STAU1: variants seen among roughly 807,000 people sequenced by gnomAD.
STAU1 encodes the protein staufen double-stranded RNA binding protein 1, also known as double-stranded RNA-binding protein Staufen homolog 1.
A neutral mutation model predicts 62.9 loss-of-function variants in STAU1; 13 were observed. The ratio of observed to expected loss-of-function variants is 0.21; its 90% confidence interval spans 0.13 to 0.33. The LOEUF (loss-of-function observed/expected upper bound fraction) is 0.33, where lower values mean the gene tolerates loss of function less well. STAU1 is among the 10% of genes least tolerant of loss of function. The probability of loss-of-function intolerance (pLI) is 1.00; values close to 1 mark genes in which losing one functional copy is unlikely to be tolerated. For missense variants in STAU1, 571 were observed against 712.1 expected, an observed-to-expected ratio of 0.80 and a Z score of 2.25; for synonymous variants, 269 against 265.1, an observed-to-expected ratio of 1.01 and a Z score of -0.14.
At chr20:49,217,455 A>G in the STAU1 span, among the ~76,000 whole-genome samples, 1 of 152,062 alleles carries the variant, frequency 6.6e-6, no homozygotes, top group Admixed American at 6.6e-5. Context: ...ATTAGATGAA[A>G]CTACACAAAG....
intron 8 of STAU1, among the ~76,000 whole-genome samples, chr20:49,120,586 TTTATTGTC>T (rs1386702372): frequency 1.3e-5 from 2 of 152,172 alleles, no homozygotes; most frequent in African/African-American, 4.8e-5. Flanking sequence ...TCATAAGCTG[TTTATTGTC>T]TAACTCTAAA....
intron 2 of STAU1, among the ~76,000 whole-genome samples, chr20:49,167,307 T>G (rs1194309166): frequency 6.6e-6 from 1 of 152,090 alleles, no homozygotes; most frequent in African/African-American, 2.4e-5. Context: ...ACCAACTAAT[T>G]AGAAGTTCTA....
At chr20:49,120,776 C>T (rs2092447614) in intron 8 of STAU1, among the ~76,000 whole-genome samples, 1 of 152,124 alleles carries the variant, frequency 6.6e-6, no homozygotes, top group African/African-American at 2.4e-5. Flanking sequence ...TGTTACATGT[C>T]TTCATTGTTT....
chr20:49,211,033 A>G, the STAU1 span, among the ~76,000 whole-genome samples: 3 of 152,136 alleles, frequency 2.0e-5, no homozygotes, highest in Admixed American at 6.6e-5. Flanking sequence ...AATAGGATTT[A>G]CCTATTCTAG....
intron 1 of STAU1, among the ~76,000 whole-genome samples, chr20:49,180,508 G>C (rs2093712004): frequency 6.6e-6 from 1 of 152,180 alleles, no homozygotes; most frequent in East Asian, 1.9e-4. Flanking sequence ...ATTTTTAGTA[G>C]AGATGGGGTT....
chr20:49,164,684 T>C (rs192811161), intron 3 of STAU1, among the ~76,000 whole-genome samples: 91 of 152,220 alleles, frequency 6.0e-4, no homozygotes, highest in Admixed American at 2.5e-3. Flanking sequence ...GAGGATCCAC[T>C]TGAGCCCAGG....
intron 4 of STAU1, 148 bp downstream of exon 4, chr20:49,153,785 G>T: frequency 1.6e-6 from 1 of 633,448 alleles, no homozygotes; most frequent in Non-Finnish European, 2.4e-6. Context: ...GGGCACAAAG[G>T]CACAAGAGTA....
At chr20:49,125,342 A>AC (rs1441304167) in intron 6 of STAU1, among the ~76,000 whole-genome samples, 1 of 151,284 alleles carries the variant, frequency 6.6e-6, no homozygotes, top group Non-Finnish European at 1.5e-5. Flanking sequence ...CAGCCTGGCC[A>AC]ACATGGTGAA....
chr20:49,124,237 C>T, intron 7 of STAU1, 138 bp downstream of exon 7: 4 of 855,220 alleles, frequency 4.7e-6, no homozygotes, highest in Non-Finnish European at 7.4e-6. Flanking sequence ...CTTGCAGCAC[C>T]TCTAAGGGGT....
chr20:49,176,832 C>A (rs763721275), intron 1 of STAU1, among the ~76,000 whole-genome samples: 2 of 151,898 alleles, frequency 1.3e-5, no homozygotes, highest in Non-Finnish European at 2.9e-5. Context: ...CTATGTTGAA[C>A]AATTTTTGTA....
intron 3 of STAU1, 122 bp downstream of exon 3, chr20:49,165,875 G>T: frequency 2.1e-6 from 2 of 941,430 alleles, no homozygotes; most frequent in Non-Finnish European, 3.3e-6. Context: ...AGTGTGGGTG[G>T]TGATACTTTC....
intron 10 of STAU1, 32 bp from the exon 11 acceptor site, chr20:49,118,128 C>T (rs761437733): frequency 6.3e-7 from 1 of 1,597,610 alleles, no homozygotes; most frequent in Non-Finnish European, 8.6e-7. Flanking sequence ...AACACGAATC[C>T]ACATCCACAG....
intron 6 of STAU1, among the ~76,000 whole-genome samples, chr20:49,131,878 C>T (rs1202177128): frequency 6.6e-6 from 1 of 151,210 alleles, no homozygotes; most frequent in Non-Finnish European, 1.5e-5. Context: ...AAGGAGCAAG[C>T]AAATATGGTA....
upstream of STAU1, chr20:49,188,396 G>T (rs995349153): frequency 7.1e-6 from 1 of 141,404 alleles, no homozygotes; most frequent in East Asian, 2.3e-4. Context: ...GCCCGCCCCC[G>T]GCCCCCGCCC....
the STAU1 span, among the ~76,000 whole-genome samples, chr20:49,205,777 C>T: frequency 1.3e-5 from 2 of 150,300 alleles, no homozygotes; most frequent in South Asian, 2.1e-4. Flanking sequence ...TGGGTTCAAG[C>T]GATTCTCCTG....
At chr20:49,205,522 T>C in the STAU1 span, among the ~76,000 whole-genome samples, 1 of 150,220 alleles carries the variant, frequency 6.7e-6, no homozygotes, top group Non-Finnish European at 1.5e-5. Flanking sequence ...CGCACCTCCA[T>C]GCCCAGCTAA....
chr20:49,198,207 G>T, the STAU1 span, among the ~76,000 whole-genome samples: 2 of 152,102 alleles, frequency 1.3e-5, no homozygotes, highest in African/African-American at 4.8e-5. Context: ...ACATTTATTA[G>T]AATGTCTAAA....
At chr20:49,157,561 C>T (rs978780565) in intron 3 of STAU1, among the ~76,000 whole-genome samples, 1 of 151,940 alleles carries the variant, frequency 6.6e-6, no homozygotes, top group Non-Finnish European at 1.5e-5. Context: ...CTCACTGCAA[C>T]CTCCGCCTCC....
the STAU1 span, among the ~76,000 whole-genome samples, chr20:49,210,869 C>T: frequency 6.6e-6 from 1 of 152,084 alleles, no homozygotes; most frequent in African/African-American, 2.4e-5. Context: ...TTAGTACATT[C>T]ACAATGTTAT....
Sources: allele counts gnomAD v4.1 joint callset (sites outside exome capture counted in the v4.1 genomes callset), GRCh38; gene constraint gnomAD v4.1.1; transcripts MANE v1.5; gene names NCBI Gene and HGNC (gene_info 2026-07-23, HGNC 2026-07-21).